SYNE2: variants seen among roughly 807,000 people sequenced by gnomAD.
SYNE2 encodes nesprin-2.
In SYNE2, 431 loss-of-function variants were observed where a neutral mutation model predicts 856.3. The ratio of observed to expected loss-of-function variants is 0.50; its 90% confidence interval spans 0.47 to 0.55. SYNE2 has a LOEUF of 0.55. Among genes scored for constraint, SYNE2 ranks in the 20% least tolerant of loss-of-function variants. The probability of loss-of-function intolerance (pLI) is 0.00; values close to 1 mark genes in which losing one functional copy is unlikely to be tolerated. For missense variants in SYNE2, 8,129 were observed against 8,023.2 expected, an observed-to-expected ratio of 1.01 and a Z score of -0.50; for synonymous variants, 2,923 against 2,872.3, an observed-to-expected ratio of 1.02 and a Z score of -0.56.
At chr14:64,211,890 G>T (rs1027172510) in intron 103 of SYNE2, 71 bp from the exon 104 acceptor site, 2 of 1,609,780 alleles carry the variant, frequency 1.2e-6, no homozygotes, top group Non-Finnish European at 1.7e-6. Context: ...GTGGCCGAAG[G>T]TGGCCTTGCT....
chr14:64,195,831 TC>T (rs2098538483), intron 99 of SYNE2, among the ~76,000 whole-genome samples: 1 of 152,182 alleles, frequency 6.6e-6, no homozygotes, highest in African/African-American at 2.4e-5. Context: ...GGTTGCCTGA[TC>T]CAGTGGGACT....
chr14:64,119,757 T>C (rs2097883982), intron 67 of SYNE2, 148 bp downstream of exon 67: 1 of 768,222 alleles, frequency 1.3e-6, no homozygotes, highest in Non-Finnish European at 2.1e-6. Flanking sequence ...CATAGATGAG[T>C]ACACTGGCTT....
At chr14:63,902,895 T>C (rs899474534) in intron 1 of SYNE2, among the ~76,000 whole-genome samples, 3 of 151,908 alleles carry the variant, frequency 2.0e-5, no homozygotes, top group Non-Finnish European at 4.4e-5. Context: ...GAAGGCTGGT[T>C]TCGAAGTCCT....
At chr14:64,149,383 T>A (rs967317135) in intron 84 of SYNE2, among the ~76,000 whole-genome samples, 1 of 152,214 alleles carries the variant, frequency 6.6e-6, no homozygotes, top group African/African-American at 2.4e-5. Flanking sequence ...CAGGGCAGAA[T>A]GCTTCAGTTC....
At chr14:64,045,341 A>G (rs564362656) in intron 45 of SYNE2, among the ~76,000 whole-genome samples, 107 of 151,804 alleles carry the variant, frequency 7.0e-4, no homozygotes, top group African/African-American at 2.5e-3. Context: ...AAGAGAGACT[A>G]AGGGTTCTGC....
At chr14:63,987,122 G>A (rs1297036071) in intron 19 of SYNE2, among the ~76,000 whole-genome samples, 1 of 152,106 alleles carries the variant, frequency 6.6e-6, no homozygotes, top group Non-Finnish European at 1.5e-5. Flanking sequence ...ACGTGGTGGC[G>A]CGCACGCCTG....
chr14:64,149,301 A>C (rs1000012927), intron 84 of SYNE2, among the ~76,000 whole-genome samples: 10 of 152,162 alleles, frequency 6.6e-5, no homozygotes, highest in Non-Finnish European at 1.2e-4. Context: ...CCATCTCTAA[A>C]AAAACAAAAC....
At chr14:63,967,057 G>A (rs1391682804) in intron 10 of SYNE2, among the ~76,000 whole-genome samples, 1 of 151,776 alleles carries the variant, frequency 6.6e-6, no homozygotes, top group African/African-American at 2.4e-5. Context: ...GTAGAGACGG[G>A]GTTTCATCAT....
rs748703042 is a variant in SYNE2 at position 64,220,586 on chromosome 14, C to T, written c.20010C>T (p.Gly6670=). 22 of 1,614,020 alleles carry T rather than the reference C, an allele frequency of 1.4e-5. No individual in the cohort carries two copies. The highest frequency in any genetic ancestry group is 6.7e-5 in the Admixed American group (4 of 59,992). The stretch of plus-strand genomic sequence containing the variant: ...GCCTGCTCTGGGAAGCAGCACAGGG[C>T]GCAGTGGACAGCTGGAGAGGGGGCT... ...QLSLLWEAAQ[G]AVDSWRGGLR... is the part of the protein sequence containing the mutation. Residue 6670 remains glycine, a synonymous_variant, in exon 111 of 116, where the codon GGC becomes GGT. Transcript: ENST00000555002.
chr14:63,967,111 A>T (rs1326185819), intron 10 of SYNE2, among the ~76,000 whole-genome samples: 1 of 151,070 alleles, frequency 6.6e-6, no homozygotes, highest in Admixed American at 6.6e-5. Context: ...TGATCCACCC[A>T]CCTCTGCCTC....
intron 30 of SYNE2, among the ~76,000 whole-genome samples, chr14:64,005,306 C>G (rs1227636767): frequency 6.6e-6 from 1 of 152,094 alleles, no homozygotes; most frequent in Non-Finnish European, 1.5e-5. Flanking sequence ...CTGGTTTGAC[C>G]TATTGTAGTA....
At chr14:63,888,565 A>G (rs1425056456) in intron 1 of SYNE2, among the ~76,000 whole-genome samples, 1 of 152,218 alleles carries the variant, frequency 6.6e-6, no homozygotes. Flanking sequence ...CAGTGGTGAC[A>G]ATGGCCGGGA....
intron 19 of SYNE2, among the ~76,000 whole-genome samples, chr14:63,989,288 C>G (rs2096649157): frequency 6.6e-6 from 1 of 152,190 alleles, no homozygotes; most frequent in Non-Finnish European, 1.5e-5. Context: ...TATCCCTACT[C>G]TTAGGCTTCG....
At position 64,167,276 on chromosome 14, in the gene SYNE2, A is replaced by G. The variant is rs2098385413; in HGVS notation, c.16649A>G (p.His5550Arg). 1.9e-6 allele frequency: 3 copies of G among 1,614,124 alleles called. No homozygotes were observed. Among genetic ancestry groups the G allele is most frequent in the Non-Finnish European group, 1.7e-6 (2 of 1,180,042 alleles). ...ALTAQSPDIE[H>R]LNEVSLKLPL... is the part of the protein sequence containing the mutation. Reference sequence around the variant, plus strand: ...ACAGCCCAATCACCTGATATTGAACATTTGAATGAAGTGAGCCTCAAGCTC... The same window carrying G: ...ACAGCCCAATCACCTGATATTGAACGTTTGAATGAAGTGAGCCTCAAGCTC... The change falls in exon 91 of 116, where the codon CAT becomes CGT. Residue 5550 changes from histidine to arginine, a missense_variant. Physicochemically the swap from His to Arg is conservative, Grantham distance 29 (BLOSUM62 0). Around this residue, in one of 3 missense-constraint regions of SYNE2, gnomAD observed 5,410 missense variants for 5,284.8 expected, o/e 1.02. Coordinates refer to ENST00000555002, the MANE Select transcript of SYNE2 (RefSeq NM_182914.3).
chr14:63,862,184 A>T (rs1015626520), intron 1 of SYNE2, among the ~76,000 whole-genome samples: 2 of 152,276 alleles, frequency 1.3e-5, no homozygotes, highest in Non-Finnish European at 2.9e-5. Flanking sequence ...ATTATAGATA[A>T]AACTTATCTA....
chr14:64,006,975 T>C, intron 30 of SYNE2, 68 bp from the exon 31 acceptor site: 2 of 1,272,002 alleles, frequency 1.6e-6, no homozygotes, highest in Non-Finnish European at 2.3e-6. Flanking sequence ...CTCCCCAAGT[T>C]ACCCATATTT....
chr14:63,883,415 T>C (rs2094910977), intron 1 of SYNE2, among the ~76,000 whole-genome samples: 1 of 152,076 alleles, frequency 6.6e-6, no homozygotes, highest in Non-Finnish European at 1.5e-5. Context: ...TAGAGTGCAG[T>C]GGTACAATCA....
chr14:63,835,713 G>C (rs1385554668), intron 1 of SYNE2, among the ~76,000 whole-genome samples: 1 of 152,018 alleles, frequency 6.6e-6, no homozygotes, highest in Admixed American at 6.6e-5. Context: ...GCCGGGCGTG[G>C]TGGCTAACGC....
chr14:64,119,385 C>G (rs1251195232), intron 66 of SYNE2, 42 bp from the exon 67 acceptor site: 2 of 1,611,006 alleles, frequency 1.2e-6, no homozygotes, highest in Non-Finnish European at 1.7e-6. Context: ...AATACTTCTT[C>G]AAGAACAACA....
Sources: allele counts gnomAD v4.1 joint callset (sites outside exome capture counted in the v4.1 genomes callset), GRCh38; gene constraint gnomAD v4.1.1; regional missense constraint gnomAD v4.1.1; transcripts MANE v1.5; gene names NCBI Gene and HGNC (gene_info 2026-07-23, HGNC 2026-07-21).